The following PSIP1 variants were observed in gnomAD, a reference collection of about 807,000 sequenced individuals.
PSIP1 encodes the protein PC4 and SRSF1 interacting protein 1.
Under a neutral mutation model 74.7 loss-of-function variants are expected in PSIP1, and 19 were observed. The observed-to-expected ratio is 0.25, with a 90% CI of 0.18 to 0.37. PSIP1 has a LOEUF of 0.37. PSIP1 is among the 10% of genes least tolerant of loss of function. The pLI is 1.00. For missense variants in PSIP1, 601 were observed against 614.3 expected (o/e 0.98, Z 0.23); for synonymous variants, 222 against 195.3 (o/e 1.14, Z -1.14).
intron 14 of PSIP1, 103 bp from the exon 15 acceptor site, chr9:15,466,962 T>A: frequency 1.3e-6 from 1 of 772,302 alleles, no homozygotes; most frequent in Non-Finnish European, 2.2e-6. Context: ...GGCCATCGTG[T>A]TTCTACTACT....
chr9:15,470,060 T>TG, intron 10 of PSIP1, 67 bp from the exon 11 acceptor site: 7 of 1,269,994 alleles, frequency 5.5e-6, no homozygotes, highest in Non-Finnish European at 7.9e-6. Context: ...ACAATCCCTA[T>TG]GTAAAAGCTA....
In PSIP1 at chr9:15,479,645, T is replaced by C. The variant is rs921084669; in HGVS notation, c.499A>G (p.Thr167Ala). The C allele has an allele frequency of 1.2e-6, 2 of 1,611,808 alleles. No homozygotes were observed. The highest frequency in any genetic ancestry group is 1.7e-6 in the Non-Finnish European group (2 of 1,179,140). The part of the protein sequence containing the change: ...VETEEAGVVT[T>A]ATASVNLKVS... ...TTTAGATTAACAGATGCTGTTGCTG[T>C]TGTCACTACTCCTGCCTCCTCAGTT... The change falls in exon 7 of 16, where the codon ACA (threonine) becomes GCA (alanine). Residue 167 changes from threonine (T) to alanine (A), a missense_variant. Thr to Ala is a moderately conservative substitution (Grantham distance 58, BLOSUM62 0). This residue lies in a region of PSIP1 where 538 missense variants were observed against 507.6 expected (regional missense o/e 1.06). Transcript: ENST00000380733.
chr9:15,506,494 TAATGTCTACTGCCTAATAACCCTGTTA>T, intron 3 of PSIP1, 40 bp downstream of exon 3: 1 of 1,120,562 alleles, frequency 8.9e-7, no homozygotes. Context: ...CCCCTTGAAT[TAATGTCTACTGCCTAATAACCCTGTTA>T]AATTAGCTCT....
rs756716509 is a variant in PSIP1, at chr9:15,465,089, CACAA to C, written c.*427_*430del. 3.1e-5 allele frequency: 7 copies of C among 228,590 alleles called. No individual in the cohort carries two copies. The highest frequency in any genetic ancestry group is 4.3e-5 in the Non-Finnish European group (5 of 115,248). 14.2% of individuals were successfully genotyped at this position (228,590 alleles called of 1,614,324 possible). A position where few individuals can be genotyped will look rare whatever the true frequency, so the allele number is the denominator to read the frequency against. ...AAAAATGTGTAACTTCTACAAAACCCACAAACAGTGAAAAGACAGTCTGGTAAAT... is the reference window on the plus strand; with the variant it reads ...AAAAATGTGTAACTTCTACAAAACCCACAGTGAAAAGACAGTCTGGTAAAT... On this transcript the variant is annotated 3_prime_UTR_variant, in exon 16 of 16. Coordinates refer to ENST00000380733, the MANE Select transcript of PSIP1 (RefSeq NM_033222.5).
In PSIP1 at chr9:15,495,732, C is replaced by T. The variant is rs531505179; in HGVS notation, c.150-5608G>A. On this transcript the variant is annotated intron_variant, in intron 3 of 15. Coordinates refer to ENST00000380733, the MANE Select transcript of PSIP1 (RefSeq NM_033222.5). ...CATGCTTTCAATGATGTGAAATATC[C>T]TCAATGTTTTTTGTTGGTATCACTT... Among the ~76,000 whole-genome samples the T allele has an allele frequency of 1.1e-4, 16 of 152,160 alleles. No individual in the cohort carries two copies. In the East Asian group the frequency reaches 2.9e-3, roughly 28 times the overall value.
At chr9:15,494,565 C>CAAAAAAAAAAAAAAA in intron 3 of PSIP1, among the ~76,000 whole-genome samples, 1 of 37,560 alleles carries the variant, frequency 2.7e-5, no homozygotes, top group Non-Finnish European at 4.6e-5. Flanking sequence ...AACTGCATCT[C>CAAAAAAAAAAAAAAA]AAAAAAAAAA....
chr9:15,470,436 T>TAAA (rs1165802939), intron 10 of PSIP1, among the ~76,000 whole-genome samples: 2 of 152,118 alleles, frequency 1.3e-5, no homozygotes. Context: ...ACACTGTTTT[T>TAAA]AAAATTTTGG....
At chr9:15,502,178 T>A (rs919917690) in intron 3 of PSIP1, among the ~76,000 whole-genome samples, 3 of 152,182 alleles carry the variant, frequency 2.0e-5, no homozygotes, top group Admixed American at 1.3e-4. Context: ...AAAAACTGTC[T>A]TCCATTGCTG....
chr9:15,475,830 T>G (rs2036051217), intron 8 of PSIP1, among the ~76,000 whole-genome samples: 1 of 152,324 alleles, frequency 6.6e-6, no homozygotes, highest in African/African-American at 2.4e-5. Context: ...ACTTCCCTTT[T>G]TAGCAGGTAA....
At chr9:15,471,660 C>G (rs541791546) in intron 10 of PSIP1, 16 of 929,758 alleles carry the variant, frequency 1.7e-5, no homozygotes, top group Non-Finnish European at 2.0e-5. Context: ...ATTTAAATTA[C>G]TCCCTCAAGG....
chr9:15,510,343 C>A lies in PSIP1; in HGVS notation c.-141-14G>T. On this transcript the variant is annotated splice_polypyrimidine_tract_variant and intron_variant, in intron 1 of 15. Transcript: ENST00000380733. ...CCGACGCGCCTGCTAGGGAGAGCAC[C>A]GAGGGCGGTTAAAGCGAAGAACCCC... 4.8e-6 allele frequency: 1 copy of A among 210,436 alleles called. No individual in the cohort carries two copies. The highest frequency in any genetic ancestry group is 8.2e-6 in the Non-Finnish European group (1 of 121,836). 13.0% of individuals were successfully genotyped at this position (210,436 alleles called of 1,614,324 possible).
intron 2 of PSIP1, 67 bp from the exon 3 acceptor site, chr9:15,506,704 A>G: frequency 8.4e-7 from 1 of 1,192,882 alleles, no homozygotes. Context: ...ATCTGAATAA[A>G]CAAGAGCACA....
intron 14 of PSIP1, among the ~76,000 whole-genome samples, chr9:15,467,383 C>G (rs946876960): frequency 3.3e-5 from 5 of 152,024 alleles, no homozygotes; most frequent in Non-Finnish European, 2.9e-5. Flanking sequence ...AATAAAGCAA[C>G]AAAAACAAAA....
intron 5 of PSIP1, 21 bp from the exon 6 acceptor site, chr9:15,486,089 C>G (rs375917000): frequency 1.0e-4 from 159 of 1,526,680 alleles, no homozygotes; most frequent in Admixed American, 1.7e-4. Flanking sequence ...AAAAAGAAAA[C>G]TGAATACTGA....
intron 15 of PSIP1, 147 bp downstream of exon 15, chr9:15,466,601 T>C: frequency 1.7e-6 from 1 of 605,442 alleles, no homozygotes; most frequent in Non-Finnish European, 2.7e-6. Flanking sequence ...TCTTCTTCCT[T>C]TTTGAATTGT....
At chr9:15,491,160 C>G (rs1049786113) in intron 3 of PSIP1, among the ~76,000 whole-genome samples, 7 of 152,350 alleles carry the variant, frequency 4.6e-5, no homozygotes, top group African/African-American at 9.6e-5. Context: ...TCATAGCCAA[C>G]AGCGTATGTA....
intron 6 of PSIP1, among the ~76,000 whole-genome samples, chr9:15,480,042 G>C (rs2036267915): frequency 6.6e-6 from 1 of 152,150 alleles, no homozygotes; most frequent in Admixed American, 6.5e-5. Context: ...TTTCTAAACT[G>C]AGACTGTTAC....
rs540952736 is a variant in PSIP1, at chr9:15,497,050, C to T, written c.150-6926G>A. On this transcript the variant is annotated intron_variant, in intron 3 of 15. Coordinates refer to ENST00000380733, the MANE Select transcript of PSIP1 (RefSeq NM_033222.5). ...CGTTAAACGTGAAATTACATCTGAC[C>T]CAGGAATTTTCTCCTAGAGAAATGA... Among the ~76,000 whole-genome samples, 6 of 152,098 alleles carry T rather than the reference C, an allele frequency of 3.9e-5. No homozygotes were observed. In the South Asian group the frequency reaches 1.2e-3, roughly 32 times the overall value.
intron 10 of PSIP1, among the ~76,000 whole-genome samples, chr9:15,470,300 T>G (rs1274983171): frequency 2.6e-5 from 4 of 152,140 alleles, no homozygotes; most frequent in Non-Finnish European, 5.9e-5. Context: ...TATAAATGTT[T>G]AATGGCTTCT....
Sources: allele counts gnomAD v4.1 joint callset (sites outside exome capture counted in the v4.1 genomes callset), GRCh38; gene constraint gnomAD v4.1.1; regional missense constraint gnomAD v4.1.1; transcripts MANE v1.5; gene names NCBI Gene and HGNC (gene_info 2026-07-23, HGNC 2026-07-21).